Variants in GARRE1 observed in about 807,000 individuals in gnomAD.
GARRE1 encodes the protein granule associated Rac and RHOG effector 1.
Under a neutral mutation model 103.2 loss-of-function variants are expected in GARRE1, and 49 were observed. The observed-to-expected ratio is 0.47, with a 90% confidence interval of 0.38 to 0.60. The LOEUF is 0.60. Among genes scored for constraint, GARRE1 ranks in the 20% least tolerant of loss-of-function variants. The pLI is 0.00. For synonymous variants in GARRE1, 505 were observed against 532.8 expected, an observed-to-expected ratio of 0.95 and a Z score of 0.72; for missense variants, 1,199 against 1,370.5, an observed-to-expected ratio of 0.87 and a Z score of 1.98.
intron 1 of GARRE1, among the ~76,000 whole-genome samples, chr19:34,271,895 C>T (rs2073790584): frequency 6.6e-6 from 1 of 151,964 alleles, no homozygotes; most frequent in Non-Finnish European, 1.5e-5. Context: ...GGCTTCTTGT[C>T]CTCATAGAAG....
chr19:34,295,426 G>A (rs2073941808), intron 1 of GARRE1, among the ~76,000 whole-genome samples: 1 of 152,036 alleles, frequency 6.6e-6, no homozygotes, highest in African/African-American at 2.4e-5. Context: ...GAGAATTTTG[G>A]TCAGGGAAAG....
At chr19:34,327,271 C>G in intron 3 of GARRE1, 150 bp from the exon 4 acceptor site, 1 of 643,754 alleles carries the variant, frequency 1.6e-6, no homozygotes, top group South Asian at 3.5e-5. Flanking sequence ...CTTTGCAATA[C>G]AAACAATCTA....
chr19:34,349,574 G>A (rs1203169517), intron 12 of GARRE1, among the ~76,000 whole-genome samples: 2 of 152,238 alleles, frequency 1.3e-5, no homozygotes, highest in African/African-American at 4.8e-5. Flanking sequence ...GTTGGGAAAA[G>A]TAGTAATTAG....
chr19:34,350,743 G>A (rs908540348), intron 12 of GARRE1, among the ~76,000 whole-genome samples: 7 of 151,876 alleles, frequency 4.6e-5, no homozygotes, highest in East Asian at 2.0e-4. Context: ...CACCATGCCC[G>A]GCTAATTTTT....
intron 1 of GARRE1, among the ~76,000 whole-genome samples, chr19:34,282,172 A>G (rs899492789): frequency 6.6e-6 from 1 of 150,952 alleles, no homozygotes; most frequent in Non-Finnish European, 1.5e-5. Flanking sequence ...TCCCCCCGAG[A>G]TGGAGTCTTG....
intron 1 of GARRE1, among the ~76,000 whole-genome samples, chr19:34,259,800 T>C (rs1362776902): frequency 6.6e-6 from 1 of 152,138 alleles, no homozygotes; most frequent in East Asian, 1.9e-4. Flanking sequence ...CCACATGTGG[T>C]GGGAAGGACC....
chr19:34,311,508 G>A (rs2074036505), intron 2 of GARRE1, among the ~76,000 whole-genome samples: 1 of 152,190 alleles, frequency 6.6e-6, no homozygotes, highest in African/African-American at 2.4e-5. Flanking sequence ...CGAGCAGAAA[G>A]CTAGGAAGTG....
chr19:34,274,274 G>A (rs768858933), intron 1 of GARRE1, among the ~76,000 whole-genome samples: 3 of 152,112 alleles, frequency 2.0e-5, no homozygotes, highest in Admixed American at 6.5e-5. Flanking sequence ...GTGTTGTGGT[G>A]TATGCCTGTA....
chr19:34,346,574 G>A (rs2074212164), intron 10 of GARRE1, among the ~76,000 whole-genome samples: 2 of 152,112 alleles, frequency 1.3e-5, no homozygotes, highest in Admixed American at 1.3e-4. Flanking sequence ...TCTGATTTTC[G>A]AAGTTGTTAG....
intron 3 of GARRE1, among the ~76,000 whole-genome samples, chr19:34,325,990 C>T (rs1011070621): frequency 2.0e-5 from 3 of 152,130 alleles, no homozygotes; most frequent in Non-Finnish European, 4.4e-5. Context: ...CTGTTTGTTT[C>T]CCGCAGTGTT....
chr19:34,256,215 A>AT (rs1451665664), intron 1 of GARRE1, among the ~76,000 whole-genome samples: 1 of 151,964 alleles, frequency 6.6e-6, no homozygotes, highest in African/African-American at 2.4e-5. Context: ...TCTCTTTGTC[A>AT]TAAAAAAAAA....
At chr19:34,280,389 T>C (rs2073844383) in intron 1 of GARRE1, among the ~76,000 whole-genome samples, 1 of 152,040 alleles carries the variant, frequency 6.6e-6, no homozygotes, top group South Asian at 2.1e-4. Flanking sequence ...CAAAAGTCTA[T>C]TCAAGTCCTT....
At chr19:34,339,686 T>G (rs1424676382) in intron 8 of GARRE1, among the ~76,000 whole-genome samples, 181 bp from the exon 9 acceptor site, 1 of 152,216 alleles carries the variant, frequency 6.6e-6, no homozygotes, top group Non-Finnish European at 1.5e-5. Context: ...TGCTTCCTAC[T>G]CCTCTTGTGG....
At chr19:34,291,599 G>T (rs910426537) in intron 1 of GARRE1, among the ~76,000 whole-genome samples, 1 of 152,150 alleles carries the variant, frequency 6.6e-6, no homozygotes. Context: ...TTGAACTTCT[G>T]TAACAGATTC....
At position 34,330,305 on chromosome 19, in the gene GARRE1, C is replaced by A. The variant is rs768666680; in HGVS notation, c.1221C>A (p.Ala407=). The change falls in exon 7 of 14, where the codon GCC becomes GCA. Residue 407 remains alanine (A), a synonymous_variant. Transcript: ENST00000299505. ...NQVCPSTWRG[A]CKTAVQLLFG... ...TTTGCCCTTCCACATGGCGAGGTGC[C>A]TGCAAGACGGCGGTGCAGCTGCTGT... is the stretch of plus-strand genomic sequence containing the variant. The A allele has an allele frequency of 3.0e-5, 48 of 1,614,082 alleles. No individual in the cohort carries two copies. Among genetic ancestry groups the A allele is most frequent in the Middle Eastern group, 1.6e-4 (1 of 6,084 alleles).
At chr19:34,292,771 A>G (rs1177575113) in intron 1 of GARRE1, among the ~76,000 whole-genome samples, 2 of 148,348 alleles carry the variant, frequency 1.3e-5, no homozygotes, top group African/African-American at 2.5e-5. Flanking sequence ...GTCTCGCTCC[A>G]TCACCCAGGG....
intron 1 of GARRE1, among the ~76,000 whole-genome samples, chr19:34,268,438 TC>T (rs1258754763): frequency 6.6e-6 from 1 of 152,172 alleles, no homozygotes; most frequent in African/African-American, 2.4e-5. Context: ...CTCACAGTGT[TC>T]CTGTAATAGA....
chr19:34,275,209 G>A (rs1195962185), intron 1 of GARRE1, among the ~76,000 whole-genome samples: 1 of 149,766 alleles, frequency 6.7e-6, no homozygotes, highest in African/African-American at 2.4e-5. Flanking sequence ...GTTTAGGAAT[G>A]ATTCATCTTT....
chr19:34,315,555 C>T (rs1430482154), intron 2 of GARRE1, among the ~76,000 whole-genome samples: 2 of 151,670 alleles, frequency 1.3e-5, no homozygotes, highest in African/African-American at 4.8e-5. Context: ...ACTAAAAATA[C>T]AAAAAATTAG....
Sources: allele counts gnomAD v4.1 joint callset (sites outside exome capture counted in the v4.1 genomes callset), GRCh38; gene constraint gnomAD v4.1.1; transcripts MANE v1.5; gene names NCBI Gene and HGNC (gene_info 2026-07-23, HGNC 2026-07-21).